Variants in POPDC1 observed in about 807,000 individuals in gnomAD.
The protein encoded by POPDC1 is popeye domain cAMP effector 1, also known as popeye domain-containing protein 1.
chr6:105,115,658 G>A, the POPDC1 span: 13 of 1,613,104 alleles, frequency 8.1e-6, no homozygotes, highest in Admixed American at 6.7e-5. Flanking sequence ...CAGAACTCTG[G>A]AGTAGTATCA....
the POPDC1 span, among the ~76,000 whole-genome samples, chr6:105,126,960 A>G: frequency 1.3e-5 from 2 of 152,322 alleles, no homozygotes; most frequent in Middle Eastern, 3.4e-3. Context: ...GAAAAACAAA[A>G]TGGCTTAATC....
At chr6:105,135,051 CCAA>C in the POPDC1 span, among the ~76,000 whole-genome samples, 2 of 152,106 alleles carry the variant, frequency 1.3e-5, no homozygotes, top group East Asian at 3.9e-4. Flanking sequence ...CACTCATAAC[CCAA>C]CATCACCTAC....
At chr6:105,124,713 T>C in the POPDC1 span, 1 of 1,191,056 alleles carries the variant, frequency 8.4e-7, no homozygotes, top group Non-Finnish European at 1.2e-6. Context: ...ATGATAATCC[T>C]TAAAACTGCT....
chr6:105,129,003 A>C, the POPDC1 span, among the ~76,000 whole-genome samples: 2 of 152,342 alleles, frequency 1.3e-5, no homozygotes, highest in East Asian at 3.9e-4. Context: ...AAATAGCATG[A>C]ACTATTTGTA....
the POPDC1 span, chr6:105,115,854 G>A: frequency 1.5e-4 from 249 of 1,609,924 alleles, no homozygotes; most frequent in African/African-American, 3.2e-3. Context: ...TAAGCTTTCT[G>A]AGAATTATGG....
At chr6:105,118,501 T>C in the POPDC1 span, among the ~76,000 whole-genome samples, 1 of 152,254 alleles carries the variant, frequency 6.6e-6, no homozygotes, top group Non-Finnish European at 1.5e-5. Context: ...ATGCATGTAC[T>C]TTATGCTAGA....
chr6:105,134,423 A>T, the POPDC1 span, among the ~76,000 whole-genome samples: 1 of 152,168 alleles, frequency 6.6e-6, no homozygotes, highest in Non-Finnish European at 1.5e-5. Flanking sequence ...TCCGGTCCTT[A>T]AAAAACACTC....
chr6:105,126,387 G>A, the POPDC1 span, among the ~76,000 whole-genome samples: 2 of 150,684 alleles, frequency 1.3e-5, no homozygotes, highest in African/African-American at 4.9e-5. Flanking sequence ...AACTATGATC[G>A]CACCATTGCA....
At chr6:105,133,780 T>C in the POPDC1 span, among the ~76,000 whole-genome samples, 1 of 152,290 alleles carries the variant, frequency 6.6e-6, no homozygotes, top group African/African-American at 2.4e-5. Context: ...TGTTAAAAGA[T>C]GGTAATAATA....
At chr6:105,101,467 C>T in the POPDC1 span, among the ~76,000 whole-genome samples, 21 of 152,296 alleles carry the variant, frequency 1.4e-4, no homozygotes, top group South Asian at 3.3e-3. Flanking sequence ...ATGATCTGAG[C>T]TTCTCAAATA....
chr6:105,129,678 C>T, the POPDC1 span, among the ~76,000 whole-genome samples: 3 of 152,080 alleles, frequency 2.0e-5, no homozygotes, highest in African/African-American at 4.8e-5. Context: ...ATAAACACTA[C>T]GTTTTATTGA....
the POPDC1 span, among the ~76,000 whole-genome samples, chr6:105,105,535 T>A: frequency 6.6e-6 from 1 of 152,228 alleles, no homozygotes; most frequent in East Asian, 1.9e-4. Flanking sequence ...CTCTCTGGCC[T>A]CATCAGGAGA....
the POPDC1 span, among the ~76,000 whole-genome samples, chr6:105,107,103 C>G: frequency 1.3e-5 from 2 of 152,138 alleles, no homozygotes; most frequent in Admixed American, 1.3e-4. Flanking sequence ...TACCTCCCCC[C>G]ACCCCCATTA....
At chr6:105,116,561 T>C in the POPDC1 span, 1 of 655,620 alleles carries the variant, frequency 1.5e-6, no homozygotes, top group East Asian at 3.1e-5. Flanking sequence ...ACAAAATACT[T>C]TCTCCTCTCA....
chr6:105,132,960 A>G, the POPDC1 span, among the ~76,000 whole-genome samples: 1 of 152,204 alleles, frequency 6.6e-6, no homozygotes, highest in African/African-American at 2.4e-5. Context: ...GGGAGGTGGT[A>G]TTATTTTTAC....
the POPDC1 span, among the ~76,000 whole-genome samples, chr6:105,130,243 T>TC: frequency 6.6e-6 from 1 of 152,176 alleles, no homozygotes; most frequent in Non-Finnish European, 1.5e-5. Context: ...CCAGTGATTT[T>TC]CCCATTTCAT....
chr6:105,102,142 T>C, the POPDC1 span, among the ~76,000 whole-genome samples: 1 of 151,714 alleles, frequency 6.6e-6, no homozygotes, highest in East Asian at 1.9e-4. Flanking sequence ...CAGGGTGGAG[T>C]GGCATTCCGG....
At chr6:105,107,530 G>C in the POPDC1 span, among the ~76,000 whole-genome samples, 1 of 152,200 alleles carries the variant, frequency 6.6e-6, no homozygotes, top group Non-Finnish European at 1.5e-5. Flanking sequence ...GGAGTACCAC[G>C]ATGTGAAATC....
At chr6:105,116,557 T>C in the POPDC1 span, 1 of 643,542 alleles carries the variant, frequency 1.6e-6, no homozygotes, top group Non-Finnish European at 2.5e-6. Flanking sequence ...CATTACAAAA[T>C]ACTTTCTCCT....
Sources: gnomAD v4.1 joint callset for allele counts (sites outside exome capture counted in the v4.1 genomes callset) on GRCh38, gnomAD v4.1.1 for gene constraint, MANE v1.5 for transcripts, NCBI Gene and HGNC (gene_info 2026-07-23, HGNC 2026-07-21) for gene names.